The following BCAS4 variants were observed in gnomAD, a reference collection of about 807,000 sequenced individuals.
BCAS4 encodes breast carcinoma-amplified sequence 4.
Under a neutral mutation model 15.7 loss-of-function variants are expected in BCAS4, and 9 were observed. The ratio of observed to expected loss-of-function variants is 0.57; its 90% CI spans 0.34 to 1.00. The LOEUF (loss-of-function observed/expected upper bound fraction) is 1.00, where lower values mean the gene tolerates loss of function less well. Among genes scored for constraint, BCAS4 ranks in the 50% least tolerant of loss-of-function variants. BCAS4 has a pLI of 0.02. For synonymous variants in BCAS4, 101 were observed against 99.5 expected (o/e 1.02, Z -0.09); for missense variants, 225 against 239.1 (o/e 0.94, Z 0.39).
In BCAS4 at chr20:50,871,076, G is replaced by A. The variant is rs376948003; in HGVS notation, c.400-5410G>A. Among the ~76,000 whole-genome samples, 7 of 152,352 alleles carry A rather than the reference G, an allele frequency of 4.6e-5. No individual in the cohort carries two copies. The East Asian group carries it at 7.7e-4, about 17-fold the overall frequency. On this transcript the variant is annotated intron_variant, in intron 4 of 4. Coordinates refer to ENST00000371608, the MANE Select transcript of BCAS4 (RefSeq NM_198799.4). The stretch of plus-strand genomic sequence containing the variant: ...CTCATTCCCAGCCGGAGGGCGAGAG[G>A]TGGGACGTGGAGAGCTCTGAAGTCT...
intron 1 of BCAS4, among the ~76,000 whole-genome samples, chr20:50,813,950 G>A (rs1037692924): frequency 3.9e-5 from 6 of 152,034 alleles, no homozygotes; most frequent in East Asian, 1.9e-4. Flanking sequence ...AGGGGGTTGC[G>A]AAGAACAGCG....
intron 1 of BCAS4, among the ~76,000 whole-genome samples, chr20:50,814,210 C>T (rs980603981): frequency 6.6e-6 from 1 of 152,152 alleles, no homozygotes; most frequent in African/African-American, 2.4e-5. Context: ...GGGAACCTCC[C>T]TAGATACCAG....
chr20:50,879,746 A>G (rs529136932), downstream of BCAS4: 2 of 152,402 alleles, frequency 1.3e-5, no homozygotes, highest in East Asian at 3.9e-4. Flanking sequence ...CGCTAGGAGC[A>G]TGGCCCTGAG....
In BCAS4 at chr20:50,851,252, C is replaced by A. The variant is rs957767177; in HGVS notation, c.399+9352C>A. ...CCAGCCACTGCTTCTCCTGCTGCCC[C>A]CATCAGCCCTTGCAGTAAAAATGCA... On this transcript the variant is annotated intron_variant, in intron 4 of 4. Coordinates refer to ENST00000371608, the MANE Select transcript of BCAS4 (RefSeq NM_198799.4). The surrounding 1 kb of genome is among the most constrained non-coding windows in gnomAD (Gnocchi z 4.3). Among the ~76,000 whole-genome samples the A allele has an allele frequency of 2.0e-5, 3 of 152,200 alleles. No homozygotes were observed. The highest frequency in any genetic ancestry group is 4.4e-5 in the Non-Finnish European group (3 of 68,026).
At chr20:50,869,649 T>C (rs1979533200) in intron 4 of BCAS4, among the ~76,000 whole-genome samples, 2 of 151,748 alleles carry the variant, frequency 1.3e-5, no homozygotes, top group African/African-American at 4.8e-5. Context: ...AAGGGAGATA[T>C]AGGGAAGGGT....
chr20:50,832,461 T>G (rs2088355570), intron 3 of BCAS4, among the ~76,000 whole-genome samples: 1 of 152,030 alleles, frequency 6.6e-6, no homozygotes, highest in Admixed American at 6.6e-5. Context: ...TTTTGCCATA[T>G]TGTCTAGGCT....
chr20:50,795,223 G>A (rs1345256255), intron 1 of BCAS4, 50 bp downstream of exon 1: 2 of 1,304,458 alleles, frequency 1.5e-6, no homozygotes, highest in African/African-American at 3.1e-5. Flanking sequence ...GCGGTTAGGG[G>A]TCCGGGCTCC....
intron 4 of BCAS4, among the ~76,000 whole-genome samples, chr20:50,845,413 G>A (rs2088531518): frequency 6.6e-6 from 1 of 152,114 alleles, no homozygotes; most frequent in African/African-American, 2.4e-5. Context: ...CCCCCAGGGT[G>A]GACACCTCCT....
In BCAS4 at chr20:50,812,335, G is replaced by A. The variant is rs374961078; in HGVS notation, c.91-5876G>A. Among the ~76,000 whole-genome samples, 105 of 151,510 alleles carry A rather than the reference G, an allele frequency of 6.9e-4. 1 individual carries two copies. The East Asian group carries it at 0.016, about 23-fold the overall frequency. On this transcript the variant is annotated intron_variant, in intron 1 of 4. Coordinates refer to ENST00000371608, the MANE Select transcript of BCAS4 (RefSeq NM_198799.4). ...TTTTTAGTAGAGACGGGGTTTCACC[G>A]TGTTAGCCAGGATGGTCTCGATCTC...
At chr20:50,844,103 C>T (rs1035802703) in intron 4 of BCAS4, among the ~76,000 whole-genome samples, 2 of 151,722 alleles carry the variant, frequency 1.3e-5, no homozygotes, top group African/African-American at 2.4e-5. Flanking sequence ...GAGCCGAGAT[C>T]GCATGACTGC....
chr20:50,833,595 T>C (rs2088370754), intron 3 of BCAS4, among the ~76,000 whole-genome samples: 1 of 152,210 alleles, frequency 6.6e-6, no homozygotes, highest in South Asian at 2.1e-4. Context: ...AAAGCGCTGA[T>C]CTAGAGCTGC....
chr20:50,811,956 G>A (rs2088069632), intron 1 of BCAS4, among the ~76,000 whole-genome samples: 1 of 152,104 alleles, frequency 6.6e-6, no homozygotes, highest in African/African-American at 2.4e-5. Context: ...CATGTCATGC[G>A]TGACCTTTTG....
intron 4 of BCAS4, among the ~76,000 whole-genome samples, chr20:50,871,335 G>A (rs965437624): frequency 6.6e-6 from 1 of 152,202 alleles, no homozygotes; most frequent in East Asian, 1.9e-4. Flanking sequence ...TGGCATGCGG[G>A]TGTGCCGGTG....
chr20:50,843,626 C>T (rs2088509067), intron 4 of BCAS4, among the ~76,000 whole-genome samples: 1 of 152,242 alleles, frequency 6.6e-6, no homozygotes, highest in Non-Finnish European at 1.5e-5. Context: ...CTTGTAACAG[C>T]TGGACAGTGG....
rs186348688 is a variant in BCAS4, at chr20:50,858,519, T to A, written c.399+16619T>A. 3.3e-5 allele frequency among the ~76,000 whole-genome samples: 5 copies of A among 152,164 alleles called. No homozygotes were observed. The East Asian group carries it at 9.7e-4, about 29-fold the overall frequency. On this transcript the variant is annotated intron_variant, in intron 4 of 4. Transcript: ENST00000371608. The stretch of plus-strand genomic sequence containing the variant: ...TGGGAGGGTGAGGCAGGAGAATCAC[T>A]TGAAACCAAGAGCCAGAGGTTGCAG...
intron 1 of BCAS4, among the ~76,000 whole-genome samples, chr20:50,798,974 A>G (rs1014468456): frequency 1.3e-5 from 2 of 152,212 alleles, no homozygotes; most frequent in Non-Finnish European, 2.9e-5. Context: ...TAAATGGTTC[A>G]GGGCTGGTGC....
chr20:50,880,281 A>C (rs910356049), downstream of BCAS4: 2 of 152,226 alleles, frequency 1.3e-5, no homozygotes, highest in African/African-American at 4.8e-5. Context: ...AGGCCGGGAC[A>C]CTGCGCCCTG....
At chr20:50,882,235 C>A in the BCAS4 span, 1 of 151,996 alleles carries the variant, frequency 6.6e-6, no homozygotes, top group Non-Finnish European at 1.5e-5. Context: ...CCCAGTAATT[C>A]CACCCCTAGG....
intron 4 of BCAS4, among the ~76,000 whole-genome samples, chr20:50,845,605 C>G (rs1297666058): frequency 6.6e-6 from 1 of 152,162 alleles, no homozygotes; most frequent in Non-Finnish European, 1.5e-5. Context: ...CCCCAGGACC[C>G]CACTGCCCCC....
Sources: gnomAD v4.1 joint callset for allele counts (sites outside exome capture counted in the v4.1 genomes callset) on GRCh38, gnomAD v4.1.1 for gene constraint, Gnocchi (gnomAD v3.1) non-coding constraint, MANE v1.5 for transcripts, NCBI Gene and HGNC (gene_info 2026-07-23, HGNC 2026-07-21) for gene names.